UBL4A: variants seen among roughly 807,000 people sequenced by gnomAD.
UBL4A encodes the protein ubiquitin like 4A, also known as ubiquitin-like protein 4A.
Under a neutral mutation model 11.4 loss-of-function variants are expected in UBL4A, and 4 were observed. The ratio of observed to expected loss-of-function variants is 0.35; its 90% CI spans 0.17 to 0.81. The LOEUF is 0.81. Among genes scored for constraint, UBL4A ranks in the 30% least tolerant of loss-of-function variants. UBL4A has a pLI of 0.52. For synonymous variants in UBL4A, 72 were observed against 61.2 expected, an observed-to-expected ratio of 1.18 and a Z score of -0.83; for missense variants, 112 against 124.9, an observed-to-expected ratio of 0.90 and a Z score of 0.49.
At position 154,485,084 on chromosome X, in the gene UBL4A, T is replaced by G; in HGVS notation, c.*455A>C. ...ACACTGGCTGCAGCAGCTGCGGGGG[T>G]CGGGGGGTTCCAGGGCTGGCTGTCA... is the stretch of plus-strand genomic sequence containing the variant. On this transcript the variant is annotated 3_prime_UTR_variant, in exon 4 of 4. Coordinates refer to ENST00000369660, the MANE Select transcript of UBL4A (RefSeq NM_014235.5). 1 of 342,041 alleles carries G rather than the reference T, an allele frequency of 2.9e-6. No individual in the cohort carries two copies. Among genetic ancestry groups the G allele is most frequent in the East Asian group, 4.9e-5 (1 of 20,395 alleles). The allele number at this position is 342,041 out of a possible 1,213,427, so 28.2% of individuals were successfully genotyped here. A position where few individuals can be genotyped will look rare whatever the true frequency, so the allele number is the denominator to read the frequency against.
In UBL4A at chrX:154,485,330, T is replaced by C; in HGVS notation, c.*209A>G. ...GGATTCCGACTGGGGCTGTGCCACTTCATCGCCGGTGCCTCTGCTGTGCCG... is the reference window on the plus strand; with the variant it reads ...GGATTCCGACTGGGGCTGTGCCACTCCATCGCCGGTGCCTCTGCTGTGCCG... On this transcript the variant is annotated 3_prime_UTR_variant, in exon 4 of 4. Transcript: ENST00000369660. 3.8e-6 allele frequency: 2 copies of C among 525,088 alleles called. No homozygotes were observed. Among genetic ancestry groups the C allele is most frequent in the Non-Finnish European group, 7.0e-6 (2 of 287,762 alleles). 43.3% of individuals were successfully genotyped at this position (525,088 alleles called of 1,213,427 possible).
At chrX:154,486,372 C>A in intron 1 of UBL4A, 39 bp from the exon 2 acceptor site, 1 of 1,092,004 alleles carries the variant, frequency 9.2e-7, no homozygotes, top group South Asian at 2.2e-5. Context: ...GTTGAGCCCG[C>A]GGCCCCCAGA....
chrX:154,485,271 T>A lies in UBL4A; in HGVS notation c.*268A>T, dbSNP rs1013957207. 2 of 484,822 alleles carry A rather than the reference T, an allele frequency of 4.1e-6. No homozygotes were observed. The highest frequency in any genetic ancestry group is 7.5e-6 in the Non-Finnish European group (2 of 268,118). 40.0% of individuals were successfully genotyped at this position (484,822 alleles called of 1,213,427 possible). On this transcript the variant is annotated 3_prime_UTR_variant, in exon 4 of 4. Coordinates refer to ENST00000369660, the MANE Select transcript of UBL4A (RefSeq NM_014235.5). ...CCCAGCTCTCCAAGCGGCCCCTTCC[T>A]CCTTCTCACACCAAGGCACTTTCAG...
rs2069279919 is a variant in UBL4A, at chrX:154,484,005, T to C, written c.*1534A>G. On this transcript the variant is annotated 3_prime_UTR_variant, in exon 4 of 4. Transcript: ENST00000369660. The stretch of plus-strand genomic sequence containing the variant: ...AACTGATTAAACAAATTGCCTTTAT[T>C]GTTAAACCAATGATTGGATATCAGA... 1 of 113,686 alleles carries C rather than the reference T, an allele frequency of 8.8e-6. No individual in the cohort carries two copies. Among genetic ancestry groups the C allele is most frequent in the South Asian group, 3.5e-4 (1 of 2,847 alleles). 9.4% of individuals were successfully genotyped at this position (113,686 alleles called of 1,213,427 possible).
chrX:154,486,038 C>T (rs781934755), intron 2 of UBL4A, 59 bp from the exon 3 acceptor site: 5 of 1,166,122 alleles, frequency 4.3e-6, no homozygotes, highest in African/African-American at 3.5e-5. Flanking sequence ...TGGCCCGGGG[C>T]GCGAGGCCGC....
rs887703049 is a variant in UBL4A, at chrX:154,486,160, G to A, written c.154+68C>T. On this transcript the variant is annotated intron_variant, in intron 2 of 3. Coordinates refer to ENST00000369660, the MANE Select transcript of UBL4A (RefSeq NM_014235.5). ...CACCCCGACCCGACACACGGCTGCTGGCCTCGGCCCGCGCACCCCGGTCCC... is the reference window on the plus strand; with the variant it reads ...CACCCCGACCCGACACACGGCTGCTAGCCTCGGCCCGCGCACCCCGGTCCC... 1.7e-4 allele frequency: 187 copies of A among 1,087,604 alleles called. 1 individual carries two copies. Among genetic ancestry groups the A allele is most frequent in the Non-Finnish European group, 2.2e-4 (177 of 815,064 alleles). The allele number at this position is 1,087,604 out of a possible 1,213,427, so 89.6% of individuals were successfully genotyped here.
chrX:154,485,054 C>G lies in UBL4A; in HGVS notation c.*485G>C. 2 of 329,336 alleles carry G rather than the reference C, an allele frequency of 6.1e-6. No homozygotes were observed. The highest frequency in any genetic ancestry group is 1.1e-5 in the Non-Finnish European group (2 of 188,181). The allele number at this position is 329,336 out of a possible 1,213,427, so 27.1% of individuals were successfully genotyped here. ...TGCTTTTCCATTTGTCGAACGCACA[C>G]TGGCACACTGGCTGCAGCAGCTGCG... On this transcript the variant is annotated 3_prime_UTR_variant, in exon 4 of 4. Transcript: ENST00000369660.
Position 154,486,304 on chromosome X carries a change from C to G in UBL4A, c.78G>C (p.Leu26=). ...QVPEDELVST[L]KQLVSEKLNV... ...TCAGCTTCTCGGAGACCAGCTGCTT[C>G]AGCGTGGACACCAGCTCGTCCTCTG... is the stretch of plus-strand genomic sequence containing the variant. Residue 26 remains leucine (L), a synonymous_variant, in exon 2 of 4, where the codon CTG becomes CTC. Coordinates refer to ENST00000369660, the MANE Select transcript of UBL4A (RefSeq NM_014235.5). The G allele has an allele frequency of 8.7e-7, 1 of 1,151,403 alleles. No homozygotes were observed. Among genetic ancestry groups the G allele is most frequent in the Non-Finnish European group, 1.2e-6 (1 of 865,680 alleles). The allele number at this position is 1,151,403 out of a possible 1,213,427, so 94.9% of individuals were successfully genotyped here. A position where few individuals can be genotyped will look rare whatever the true frequency, so the allele number is the denominator to read the frequency against.
rs1328684326 is a variant in UBL4A at position 154,486,532 on chromosome X, C to A, written c.48+5G>T. 2.9e-6 allele frequency: 3 copies of A among 1,031,395 alleles called. No individual in the cohort carries two copies. The highest frequency in any genetic ancestry group is 4.1e-5 in the African/African-American group (2 of 48,528). 85.0% of individuals were successfully genotyped at this position (1,031,395 alleles called of 1,213,427 possible). A position where few individuals can be genotyped will look rare whatever the true frequency, so the allele number is the denominator to read the frequency against. On this transcript the variant is annotated splice_donor_5th_base_variant and intron_variant, in intron 1 of 3. Transcript: ENST00000369660. ...GGACCCGGCGGCCCGGCCCGGGGAC[C>A]CTACCTGCAGGCTGCACTCGCGGCC...
chrX:154,486,428 C>T, intron 1 of UBL4A, 95 bp from the exon 2 acceptor site: 2 of 982,390 alleles, frequency 2.0e-6, no homozygotes, highest in Non-Finnish European at 1.3e-6. Flanking sequence ...CTCCCGGCTC[C>T]CGGCCCTCGG....
chrX:154,486,164 T>A, intron 2 of UBL4A, 64 bp downstream of exon 2: 4 of 1,099,231 alleles, frequency 3.6e-6, no homozygotes, highest in Non-Finnish European at 4.9e-6. Context: ...GCTGCTGGCC[T>A]CGGCCCGCGC....
rs1422481889 is a variant in UBL4A at position 154,484,193 on chromosome X, T to A, written c.*1346A>T. ...CAGGCCACACATGCTCACGAGTGTG[T>A]CCCTGCCGTAGGTGGCTTTGAAGCC... On this transcript the variant is annotated 3_prime_UTR_variant, in exon 4 of 4. Coordinates refer to ENST00000369660, the MANE Select transcript of UBL4A (RefSeq NM_014235.5). The A allele has an allele frequency of 8.8e-6, 1 of 113,055 alleles. No individual in the cohort carries two copies. The highest frequency in any genetic ancestry group is 1.9e-5 in the Non-Finnish European group (1 of 53,345). 9.3% of individuals were successfully genotyped at this position (113,055 alleles called of 1,213,427 possible).
At chrX:154,486,080 C>A in intron 2 of UBL4A, 101 bp from the exon 3 acceptor site, 2 of 1,089,921 alleles carry the variant, frequency 1.8e-6, no homozygotes, top group Non-Finnish European at 2.5e-6. Context: ...GCTGCGGCAT[C>A]CGGCTGTGAG....
At chrX:154,486,405 C>T in intron 1 of UBL4A, 72 bp from the exon 2 acceptor site, 1 of 1,017,048 alleles carries the variant, frequency 9.8e-7, no homozygotes. Context: ...CGCGTCCGCC[C>T]CCGAGGGCAG....
chrX:154,486,475 C>A, intron 1 of UBL4A, 62 bp downstream of exon 1: 2 of 1,009,733 alleles, frequency 2.0e-6, no homozygotes, highest in Non-Finnish European at 1.3e-6. Flanking sequence ...CCCTGCCGGT[C>A]CCCCTGCCAG....
Position 154,485,082 on chromosome X carries a change from G to T in UBL4A, c.*457C>A, listed in dbSNP as rs1557212447. 1 of 350,664 alleles carries T rather than the reference G, an allele frequency of 2.9e-6. No homozygotes were observed. Among genetic ancestry groups the T allele is most frequent in the African/African-American group, 2.6e-5 (1 of 38,043 alleles). 28.9% of individuals were successfully genotyped at this position (350,664 alleles called of 1,213,427 possible). On this transcript the variant is annotated 3_prime_UTR_variant, in exon 4 of 4. Transcript: ENST00000369660. ...GCACACTGGCTGCAGCAGCTGCGGG[G>T]GTCGGGGGGTTCCAGGGCTGGCTGT...
chrX:154,486,597 G>T lies in UBL4A; in HGVS notation c.-13C>A. On this transcript the variant is annotated 5_prime_UTR_variant, in exon 1 of 4. Coordinates refer to ENST00000369660, the MANE Select transcript of UBL4A (RefSeq NM_014235.5). ...CCGTCAGCTGCATGGCGGTCGCGAC[G>T]GCGTCCACTCGGGCCGGCGCGCACC... is the stretch of plus-strand genomic sequence containing the variant. 1.1e-6 allele frequency: 1 copy of T among 905,206 alleles called. No homozygotes were observed. The highest frequency in any genetic ancestry group is 1.4e-6 in the Non-Finnish European group (1 of 733,797). 74.6% of individuals were successfully genotyped at this position (905,206 alleles called of 1,213,427 possible). A position where few individuals can be genotyped will look rare whatever the true frequency, so the allele number is the denominator to read the frequency against.
rs1557213007 is a variant in UBL4A at position 154,486,607 on chromosome X, C to T, written c.-23G>A. On this transcript the variant is annotated 5_prime_UTR_variant, in exon 1 of 4. Transcript: ENST00000369660. ...CATGGCGGTCGCGACGGCGTCCACT[C>T]GGGCCGGCGCGCACCCCAACCACCC... is the stretch of plus-strand genomic sequence containing the variant. 4.7e-6 allele frequency: 4 copies of T among 853,366 alleles called. No individual in the cohort carries two copies. Among genetic ancestry groups the T allele is most frequent in the East Asian group, 6.4e-5 (1 of 15,533 alleles). 70.3% of individuals were successfully genotyped at this position (853,366 alleles called of 1,213,427 possible).
In UBL4A at chrX:154,484,190, G is replaced by A. The variant is rs1029270336; in HGVS notation, c.*1349C>T. 3.5e-5 allele frequency: 4 copies of A among 113,187 alleles called. No homozygotes were observed. The highest frequency in any genetic ancestry group is 9.3e-5 in the Admixed American group (1 of 10,804). The allele number at this position is 113,187 out of a possible 1,213,427, so 9.3% of individuals were successfully genotyped here. ...CTGCAGGCCACACATGCTCACGAGT[G>A]TGTCCCTGCCGTAGGTGGCTTTGAA... is the stretch of plus-strand genomic sequence containing the variant. On this transcript the variant is annotated 3_prime_UTR_variant, in exon 4 of 4. Transcript: ENST00000369660.
Sources: gnomAD v4.1 joint callset for allele counts on GRCh38, gnomAD v4.1.1 for gene constraint, MANE v1.5 for transcripts, NCBI Gene and HGNC (gene_info 2026-07-23, HGNC 2026-07-21) for gene names.